The following FGD4 variants were observed in gnomAD, a reference collection of about 807,000 sequenced individuals.
The protein encoded by FGD4 is FYVE, RhoGEF and PH domain-containing protein 4.
FGD4 carries 42 observed loss-of-function variants against 102.0 expected under a neutral mutation model. The observed-to-expected ratio is 0.41, with a 90% confidence interval of 0.32 to 0.53. The LOEUF (loss-of-function observed/expected upper bound fraction) is 0.53, where lower values mean the gene tolerates loss of function less well. FGD4 is among the 20% of genes least tolerant of loss of function. FGD4 has a pLI of 0.21. For synonymous variants in FGD4, 380 were observed against 375.7 expected (o/e 1.01, Z -0.13); for missense variants, 902 against 1,078.2 (o/e 0.84, Z 2.29).
At chr12:32,436,741 G>C (rs1265240475) in intron 1 of FGD4, among the ~76,000 whole-genome samples, 4 of 152,108 alleles carry the variant, frequency 2.6e-5, no homozygotes, top group Admixed American at 2.6e-4. Flanking sequence ...TATCTCATTA[G>C]CAGCTTGGTG....
intron 1 of FGD4, among the ~76,000 whole-genome samples, chr12:32,480,730 A>C (rs186536765): frequency 0.016 from 2,247 of 137,794 alleles, 55 homozygotes; most frequent in African/African-American, 0.057. Flanking sequence ...TGCTCTCCTG[A>C]CCTCGTGATC....
chr12:32,417,042 G>A (rs1332092601), intron 1 of FGD4, among the ~76,000 whole-genome samples: 2 of 151,726 alleles, frequency 1.3e-5, no homozygotes, highest in Non-Finnish European at 2.9e-5. Context: ...GACTACAGGC[G>A]CATGCCACCA....
chr12:32,473,966 T>C (rs150212383), intron 1 of FGD4, among the ~76,000 whole-genome samples: 1 of 151,974 alleles, frequency 6.6e-6, no homozygotes, highest in East Asian at 1.9e-4. Context: ...TGGGCGCCTG[T>C]AGTCCCAGCT....
intron 5 of FGD4, among the ~76,000 whole-genome samples, chr12:32,599,567 A>T (rs1404482302): frequency 7.4e-5 from 1 of 13,494 alleles, no homozygotes; most frequent in Non-Finnish European, 1.1e-4. Flanking sequence ...TTTTTTTTGG[A>T]GATGGAGTCT....
At chr12:32,491,143 A>AAAC (rs1944077409) in intron 1 of FGD4, among the ~76,000 whole-genome samples, 1 of 150,824 alleles carries the variant, frequency 6.6e-6, no homozygotes, top group South Asian at 2.1e-4. Context: ...AAAAAAAAAA[A>AAAC]AAAAAAACAA....
intron 1 of FGD4, among the ~76,000 whole-genome samples, chr12:32,478,968 G>A (rs1340482037): frequency 6.6e-6 from 1 of 152,242 alleles, no homozygotes; most frequent in East Asian, 1.9e-4. Flanking sequence ...CCACACTGTT[G>A]GTTTCTAGAG....
chr12:32,408,887 C>T (rs1941073887), intron 1 of FGD4, among the ~76,000 whole-genome samples: 1 of 152,152 alleles, frequency 6.6e-6, no homozygotes, highest in Non-Finnish European at 1.5e-5. Context: ...CAACTTTCTT[C>T]CTCTGGCTTT....
chr12:32,627,194 G>A (rs1483473175), intron 14 of FGD4, among the ~76,000 whole-genome samples: 1 of 147,182 alleles, frequency 6.8e-6, no homozygotes, highest in Non-Finnish European at 1.5e-5. Flanking sequence ...TCACCCTATC[G>A]CCCAGGCTGG....
chr12:32,556,713 C>T (rs991906633), intron 1 of FGD4, among the ~76,000 whole-genome samples: 3 of 151,806 alleles, frequency 2.0e-5, no homozygotes, highest in African/African-American at 7.3e-5. Flanking sequence ...CAAAAATTAG[C>T]TGCACATGGT....
In FGD4 at chr12:32,525,910, C is replaced by T. The variant is rs189439887; in HGVS notation, c.167-38227C>T. Among the ~76,000 whole-genome samples the T allele has an allele frequency of 4.6e-5, 7 of 152,378 alleles. No homozygotes were observed. The East Asian group carries it at 5.8e-4, about 13-fold the overall frequency. ...TCACCGGGCCTTAGCTGCCTTCCCA[C>T]GGGGCAGGGCTCGGGACCTACAGCC... On this transcript the variant is annotated intron_variant, in intron 1 of 16. Coordinates refer to ENST00000534526, the MANE Select transcript of FGD4 (RefSeq NM_001370298.3).
chr12:32,645,138 T>C lies in FGD4; in HGVS notation c.*4605T>C, dbSNP rs1487433384. ...CATACTTTAATAAATAAATACCAAATACATAGTGACATATAGGTTTGGGAA... is the reference window on the plus strand; with the variant it reads ...CATACTTTAATAAATAAATACCAAACACATAGTGACATATAGGTTTGGGAA... On this transcript the variant is annotated 3_prime_UTR_variant, in exon 17 of 17. Coordinates refer to ENST00000534526, the MANE Select transcript of FGD4 (RefSeq NM_001370298.3). 1 of 152,074 alleles carries C rather than the reference T, an allele frequency of 6.6e-6. No individual in the cohort carries two copies. The highest frequency in any genetic ancestry group is 1.5e-5 in the Non-Finnish European group (1 of 68,026). The allele number at this position is 152,074 out of a possible 1,614,324, so 9.4% of individuals were successfully genotyped here.
intron 14 of FGD4, among the ~76,000 whole-genome samples, chr12:32,626,621 G>A (rs1258880805): frequency 2.0e-5 from 3 of 152,040 alleles, no homozygotes; most frequent in Non-Finnish European, 4.4e-5. Context: ...GAGGAGGAAC[G>A]TTAGATAAAT....
chr12:32,443,460 C>T (rs1374617732), intron 1 of FGD4, among the ~76,000 whole-genome samples: 1 of 151,952 alleles, frequency 6.6e-6, no homozygotes, highest in Non-Finnish European at 1.5e-5. Context: ...AAGCAGTCCT[C>T]CTGCGTCAGC....
intron 1 of FGD4, among the ~76,000 whole-genome samples, chr12:32,522,987 A>T (rs1280770830): frequency 6.6e-6 from 1 of 152,198 alleles, no homozygotes; most frequent in East Asian, 1.9e-4. Context: ...CATAAAGTTC[A>T]ATCTTCCCTT....
intron 1 of FGD4, among the ~76,000 whole-genome samples, chr12:32,518,995 A>G (rs1233391586): frequency 6.6e-6 from 1 of 151,680 alleles, no homozygotes; most frequent in African/African-American, 2.4e-5. Flanking sequence ...CATGCCCGTA[A>G]TCCCAGCTAC....
intron 1 of FGD4, among the ~76,000 whole-genome samples, chr12:32,483,208 G>A (rs949662659): frequency 6.6e-6 from 1 of 152,180 alleles, no homozygotes; most frequent in Non-Finnish European, 1.5e-5. Context: ...TGAAATTCAA[G>A]CATGTGTGAG....
In FGD4 at chr12:32,544,287, G is replaced by C. The variant is rs1943065745; in HGVS notation, c.167-19850G>C. Among the ~76,000 whole-genome samples, 1 of 152,098 alleles carries C rather than the reference G, an allele frequency of 6.6e-6. No individual in the cohort carries two copies. Among genetic ancestry groups the C allele is most frequent in the Admixed American group, 6.6e-5 (1 of 15,262 alleles). On this transcript the variant is annotated intron_variant, in intron 1 of 16. Transcript: ENST00000534526. This position sits in a 1 kb window ranked among gnomAD's most constrained non-coding sequence, Gnocchi z 4.1. The stretch of plus-strand genomic sequence containing the variant: ...TCTACAAAAAATGCAAAAATGAGCT[G>C]GGCGTGGTGGTGGGTACCTGTAATC...
At chr12:32,600,094 A>G (rs1360373395) in intron 5 of FGD4, among the ~76,000 whole-genome samples, 19 of 152,218 alleles carry the variant, frequency 1.2e-4, no homozygotes, top group Admixed American at 1.0e-3. Flanking sequence ...TTTAAGGCCT[A>G]TGCTCTTTGA....
chr12:32,455,950 A>G (rs952607582), intron 1 of FGD4, among the ~76,000 whole-genome samples: 2 of 152,196 alleles, frequency 1.3e-5, no homozygotes, highest in African/African-American at 4.8e-5. Context: ...TAGTAGTAGC[A>G]TAACAATAGA....
Sources: allele counts gnomAD v4.1 joint callset (sites outside exome capture counted in the v4.1 genomes callset), GRCh38; gene constraint gnomAD v4.1.1; non-coding constraint Gnocchi (gnomAD v3.1); transcripts MANE v1.5; gene names NCBI Gene and HGNC (gene_info 2026-07-23, HGNC 2026-07-21).